CSMD1: variants seen among roughly 807,000 people sequenced by gnomAD.
CSMD1 encodes the protein CUB and sushi domain-containing protein 1.
Under a neutral mutation model 417.5 loss-of-function variants are expected in CSMD1, and 213 were observed. That is an observed-to-expected ratio of 0.51 (90% CI 0.46 to 0.57). The LOEUF (loss-of-function observed/expected upper bound fraction) is 0.57. CSMD1 is among the 20% of genes least tolerant of loss of function. The probability of loss-of-function intolerance (pLI) is 0.00; values close to 1 mark genes in which losing one functional copy is unlikely to be tolerated. For missense variants in CSMD1, 6,923 were observed against 4,529.7 expected (o/e 1.53, Z -15.17); for synonymous variants, 2,862 against 1,736.8 (o/e 1.65, Z -16.11).
At chr8:4,233,807 A>G (rs562923188) in intron 3 of CSMD1, among the ~76,000 whole-genome samples, 6 of 152,308 alleles carry the variant, frequency 3.9e-5, no homozygotes, top group African/African-American at 1.4e-4. Flanking sequence ...AGGATATTTC[A>G]TGAAATTTCA....
chr8:4,882,081 A>G (rs1180096836), intron 1 of CSMD1, among the ~76,000 whole-genome samples: 1 of 152,046 alleles, frequency 6.6e-6, no homozygotes, highest in Non-Finnish European at 1.5e-5. Context: ...AGTACGAATA[A>G]TAAGCCCTCA....
chr8:3,799,531 T>C (rs982181441), intron 5 of CSMD1, among the ~76,000 whole-genome samples: 2 of 151,124 alleles, frequency 1.3e-5, no homozygotes, highest in African/African-American at 4.9e-5. Context: ...TTAGGTAAAA[T>C]GGATGATCTA....
intron 1 of CSMD1, among the ~76,000 whole-genome samples, chr8:4,730,697 T>C (rs546675084): frequency 2.5e-4 from 38 of 151,536 alleles, no homozygotes; most frequent in Non-Finnish European, 4.6e-4. Context: ...GGAGAGATCG[T>C]GCCACTGCAC....
At chr8:4,443,362 A>C (rs1440778767) in intron 2 of CSMD1, among the ~76,000 whole-genome samples, 1 of 152,252 alleles carries the variant, frequency 6.6e-6, no homozygotes, top group Non-Finnish European at 1.5e-5. Context: ...TGGTCTTTGA[A>C]ACAACGGCTT....
intron 3 of CSMD1, among the ~76,000 whole-genome samples, chr8:4,128,556 C>G (rs1802902219): frequency 6.6e-6 from 1 of 152,138 alleles, no homozygotes; most frequent in Non-Finnish European, 1.5e-5. Flanking sequence ...ACAGATAACA[C>G]ATCTCATCTC....
intron 5 of CSMD1, among the ~76,000 whole-genome samples, chr8:3,937,573 A>G (rs1222470479): frequency 2.6e-5 from 4 of 152,168 alleles, no homozygotes; most frequent in African/African-American, 9.7e-5. Flanking sequence ...ATGCAGTGTC[A>G]TGTAAATATA....
At chr8:4,116,178 C>T (rs1002528388) in intron 3 of CSMD1, among the ~76,000 whole-genome samples, 2 of 151,878 alleles carry the variant, frequency 1.3e-5, no homozygotes, top group African/African-American at 4.8e-5. Flanking sequence ...ATTTTTAGTA[C>T]AGACGGGGTT....
chr8:3,134,170 CA>C (rs1413931177), intron 41 of CSMD1, among the ~76,000 whole-genome samples: 1 of 147,324 alleles, frequency 6.8e-6, no homozygotes, highest in African/African-American at 2.6e-5. Context: ...GACTCCATCT[CA>C]AAAAAACAAG....
chr8:4,160,695 G>T (rs1584933474), intron 3 of CSMD1, among the ~76,000 whole-genome samples: 2 of 152,330 alleles, frequency 1.3e-5, no homozygotes, highest in South Asian at 2.1e-4. Flanking sequence ...CACACTCCAT[G>T]TCTTCACTCT....
chr8:3,469,565 A>T (rs1440419203), intron 11 of CSMD1, among the ~76,000 whole-genome samples: 6 of 152,206 alleles, frequency 3.9e-5, no homozygotes, highest in Non-Finnish European at 8.8e-5. Context: ...TGAACTCAAC[A>T]TGCTGACAGA....
At chr8:4,719,485 T>A (rs549178494) in intron 1 of CSMD1, among the ~76,000 whole-genome samples, 97 of 152,146 alleles carry the variant, frequency 6.4e-4, no homozygotes, top group African/African-American at 2.2e-3. Context: ...CTCATTTTCT[T>A]CAAGCGCATT....
In CSMD1 at chr8:3,380,172, A is replaced by G. The variant is rs114889086; in HGVS notation, c.2782+7322T>C. Reference sequence around the variant, plus strand: ...ATCACTGGTCATTAGAGAAATGCACATCGAAACCACAGTGAGACACAGTCT... The same window carrying G: ...ATCACTGGTCATTAGAGAAATGCACGTCGAAACCACAGTGAGACACAGTCT... On this transcript the variant is annotated intron_variant, in intron 18 of 69. Coordinates refer to ENST00000635120, the MANE Select transcript of CSMD1 (RefSeq NM_033225.6). Among the ~76,000 whole-genome samples, 571 of 152,330 alleles carry G rather than the reference A, an allele frequency of 3.7e-3. 6 individuals are homozygous for G. Among genetic ancestry groups the G allele is most frequent in the African/African-American group, 0.013 (536 of 41,576 alleles).
In CSMD1 at chr8:3,639,147, C is replaced by A. The variant is rs73661604; in HGVS notation, c.1010-22350G>T. 8.1e-3 allele frequency among the ~76,000 whole-genome samples: 1,236 copies of A among 152,286 alleles called. 17 individuals carry two copies. Among genetic ancestry groups the A allele is most frequent in the African/African-American group, 0.028 (1,182 of 41,556 alleles). ...AAGATTTTCGCAGCTCTACTTTAAG[C>A]CTTGCAGTAAAGGCCGCTCAATTCA... On this transcript the variant is annotated intron_variant, in intron 7 of 69. Coordinates refer to ENST00000635120, the MANE Select transcript of CSMD1 (RefSeq NM_033225.6).
chr8:4,905,817 C>T lies in CSMD1; in HGVS notation c.85+88515G>A, dbSNP rs865797170. ...CCTGGGCCACAGAGCGAGACTCCAT[C>T]TCAAAAAAAAAAAAAAAGAAAAAAA... On this transcript the variant is annotated intron_variant, in intron 1 of 69. Coordinates refer to ENST00000635120, the MANE Select transcript of CSMD1 (RefSeq NM_033225.6). 4.7e-3 allele frequency among the ~76,000 whole-genome samples: 426 copies of T among 90,994 alleles called. 2 individuals carry two copies. Among genetic ancestry groups the T allele is most frequent in the African/African-American group, 0.019 (405 of 20,932 alleles). The allele number at this position is 90,994 out of a possible 152,430, so 59.7% of individuals were successfully genotyped here.
intron 1 of CSMD1, among the ~76,000 whole-genome samples, chr8:4,672,027 G>C (rs918522520): frequency 6.6e-6 from 1 of 152,172 alleles, no homozygotes; most frequent in African/African-American, 2.4e-5. Flanking sequence ...GAGCATGACA[G>C]TGATGACACC....
intron 14 of CSMD1, among the ~76,000 whole-genome samples, chr8:3,406,647 A>G (rs183384597): frequency 3.3e-5 from 5 of 152,314 alleles, no homozygotes; most frequent in South Asian, 2.1e-4. Flanking sequence ...TTACAGAATG[A>G]GAGACTACTA....
chr8:3,286,673 T>TGTTC (rs1803185559), intron 25 of CSMD1, among the ~76,000 whole-genome samples: 1 of 151,136 alleles, frequency 6.6e-6, no homozygotes, highest in Non-Finnish European at 1.5e-5. Context: ...TTGAAGGGGT[T>TGTTC]GTTTTTTTCT....
rs577394117 is a variant in CSMD1 at position 3,958,310 on chromosome 8, T to C, written c.818+39593A>G. ...ATGTGGAAAAAAAGTTTCATTTTTT[T>C]AAACTCTCTCTTTTTTTTTTTTTTT... On this transcript the variant is annotated intron_variant, in intron 5 of 69. Transcript: ENST00000635120. Among the ~76,000 whole-genome samples the C allele has an allele frequency of 1.5e-3, 156 of 100,870 alleles. 1 individual carries two copies. The highest frequency in any genetic ancestry group is 5.6e-3 in the African/African-American group (148 of 26,272). 66.2% of individuals were successfully genotyped at this position (100,870 alleles called of 152,430 possible).
intron 29 of CSMD1, among the ~76,000 whole-genome samples, chr8:3,216,724 T>C (rs752935428): frequency 2.6e-5 from 4 of 152,246 alleles, no homozygotes; most frequent in Non-Finnish European, 5.9e-5. Flanking sequence ...GTATTTTGTG[T>C]TGTCCGTGTC....
Sources: allele counts gnomAD v4.1 joint callset (sites outside exome capture counted in the v4.1 genomes callset), GRCh38; gene constraint gnomAD v4.1.1; transcripts MANE v1.5; gene names NCBI Gene and HGNC (gene_info 2026-07-23, HGNC 2026-07-21).